Variants in ITSN1 observed in about 807,000 individuals in gnomAD.
ITSN1 encodes the protein intersectin 1.
ITSN1 carries 58 observed loss-of-function variants against 239.8 expected under a neutral mutation model. The ratio of observed to expected loss-of-function variants is 0.24; its 90% CI spans 0.20 to 0.30. The LOEUF (loss-of-function observed/expected upper bound fraction) is 0.30. ITSN1 is among the 10% of genes least tolerant of loss of function. The probability of loss-of-function intolerance (pLI) is 1.00; values close to 1 mark genes in which losing one functional copy is unlikely to be tolerated. For synonymous variants in ITSN1, 780 were observed against 770.8 expected (o/e 1.01, Z -0.20); for missense variants, 1,558 against 2,103.3 (o/e 0.74, Z 5.07).
At chr21:33,745,281 T>C (rs1346123151) in intron 5 of ITSN1, among the ~76,000 whole-genome samples, 1 of 152,106 alleles carries the variant, frequency 6.6e-6, no homozygotes, top group Non-Finnish European at 1.5e-5. Context: ...AAATCCAGAC[T>C]GGGAAACTCC....
At chr21:33,672,525 G>A (rs2090350034) in intron 1 of ITSN1, among the ~76,000 whole-genome samples, 1 of 152,176 alleles carries the variant, frequency 6.6e-6, no homozygotes, top group South Asian at 2.1e-4. Flanking sequence ...TACACTGTTG[G>A]TGGGAATGTA....
chr21:33,752,406 G>C (rs2067615606), intron 7 of ITSN1, among the ~76,000 whole-genome samples: 1 of 152,140 alleles, frequency 6.6e-6, no homozygotes, highest in African/African-American at 2.4e-5. Flanking sequence ...GAATTATCCA[G>C]ATAGTGGACA....
In ITSN1 at chr21:33,797,753, T is replaced by G; in HGVS notation, c.2182+145T>G. ...CTCTTATTTTGAGCATGGCCAGCTC[T>G]TCTTTCCCCAGGGTCATTTGAGATC... On this transcript the variant is annotated intron_variant, in intron 18 of 39. Coordinates refer to ENST00000381318, the MANE Select transcript of ITSN1 (RefSeq NM_003024.3). This position sits in a 1 kb window ranked among gnomAD's most constrained non-coding sequence, Gnocchi z 4.9. 1 of 665,414 alleles carries G rather than the reference T, an allele frequency of 1.5e-6. No homozygotes were observed. Among genetic ancestry groups the G allele is most frequent in the South Asian group, 2.0e-5 (1 of 49,952 alleles). 41.2% of individuals were successfully genotyped at this position (665,414 alleles called of 1,614,324 possible).
At chr21:33,728,457 T>A (rs1350201760) in intron 4 of ITSN1, among the ~76,000 whole-genome samples, 3 of 149,792 alleles carry the variant, frequency 2.0e-5, no homozygotes, top group Non-Finnish European at 4.4e-5. Flanking sequence ...CTGGATCTCC[T>A]GACATTGTGA....
At chr21:33,881,945 C>CAAAAAA (rs370697945) in intron 34 of ITSN1, among the ~76,000 whole-genome samples, 8 of 88,278 alleles carry the variant, frequency 9.1e-5, no homozygotes, top group Admixed American at 1.2e-4. Flanking sequence ...GACCCTGTCT[C>CAAAAAA]AAAAAAAAAA....
At position 33,882,451 on chromosome 21, in the gene ITSN1, A is replaced by G; in HGVS notation, c.4550A>G (p.Lys1517Arg). The change falls in exon 35 of 40, where the codon AAA (lysine) becomes AGA (arginine). Residue 1517 changes from lysine (K) to arginine (R), a missense_variant. Lys to Arg is a conservative substitution (Grantham distance 26). This residue lies in a region of ITSN1 where 576 missense variants were observed against 893.3 expected (regional missense o/e 0.64). Coordinates refer to ENST00000381318, the MANE Select transcript of ITSN1 (RefSeq NM_003024.3). The surrounding 1 kb of genome is among the most constrained non-coding windows in gnomAD (Gnocchi z 4.5). ...PKSNLQYKMY[K>R]TPIFLNEVLV... ...TCAAACCTGCAGTATAAAATGTATA[A>G]AACAGTAAGTTGGATTCTAGATTTT... The G allele has an allele frequency of 6.2e-7, 1 of 1,612,698 alleles. No individual in the cohort carries two copies. Among genetic ancestry groups the G allele is most frequent in the Non-Finnish European group, 8.5e-7 (1 of 1,179,366 alleles).
At chr21:33,742,406 C>T (rs1268129980) in intron 5 of ITSN1, among the ~76,000 whole-genome samples, 1 of 152,124 alleles carries the variant, frequency 6.6e-6, no homozygotes, top group Admixed American at 6.5e-5. Context: ...AAAAGAAATA[C>T]AAACAAAACA....
At chr21:33,822,742 A>G (rs2073758950) in intron 24 of ITSN1, among the ~76,000 whole-genome samples, 1 of 152,224 alleles carries the variant, frequency 6.6e-6, no homozygotes, top group African/African-American at 2.4e-5. Flanking sequence ...AATGTGATAA[A>G]CTGTGATTTG....
chr21:33,855,807 G>A (rs1465509057), intron 29 of ITSN1, among the ~76,000 whole-genome samples: 1 of 152,242 alleles, frequency 6.6e-6, no homozygotes, highest in Non-Finnish European at 1.5e-5. Flanking sequence ...TCTGTGGCAA[G>A]CATGCTGCTC....
At chr21:33,864,449 C>T (rs1981211151) in intron 31 of ITSN1, among the ~76,000 whole-genome samples, 1 of 152,182 alleles carries the variant, frequency 6.6e-6, no homozygotes, top group Non-Finnish European at 1.5e-5. Flanking sequence ...TACCATAGCT[C>T]TGAGCACTCA....
At chr21:33,834,193 T>C in intron 27 of ITSN1, 114 bp from the exon 28 acceptor site, 3 of 720,876 alleles carry the variant, frequency 4.2e-6, no homozygotes, top group Non-Finnish European at 7.2e-6. Flanking sequence ...TTACCGTTAA[T>C]GTCATTTGTT....
intron 1 of ITSN1, among the ~76,000 whole-genome samples, chr21:33,690,813 A>G (rs866120977): frequency 4.3e-4 from 8 of 18,574 alleles, no homozygotes; most frequent in African/African-American, 2.0e-3. Flanking sequence ...ATATATATAT[A>G]TGTATATATA....
chr21:33,804,224 CAG>C (rs1468963583), intron 20 of ITSN1, among the ~76,000 whole-genome samples: 5 of 152,110 alleles, frequency 3.3e-5, no homozygotes, highest in Admixed American at 3.3e-4. Context: ...AACATTGTGA[CAG>C]TGTTTTTTAA....
intron 29 of ITSN1, among the ~76,000 whole-genome samples, chr21:33,846,878 C>T (rs2075005550): frequency 6.6e-6 from 1 of 152,196 alleles, no homozygotes; most frequent in African/African-American, 2.4e-5. Context: ...GACCCCAAAA[C>T]AGGAAGTGAG....
chr21:33,794,151 A>G (rs1291537819), intron 16 of ITSN1, among the ~76,000 whole-genome samples, 190 bp from the exon 17 acceptor site: 2 of 152,198 alleles, frequency 1.3e-5, no homozygotes, highest in Non-Finnish European at 2.9e-5. Flanking sequence ...ATGTAATCTT[A>G]AGTGGCCTTT....
intron 5 of ITSN1, among the ~76,000 whole-genome samples, chr21:33,746,351 T>C (rs971584424): frequency 1.3e-5 from 2 of 152,106 alleles, no homozygotes; most frequent in African/African-American, 2.4e-5. Flanking sequence ...AGGCAGTCAG[T>C]AGGAACTATC....
intron 11 of ITSN1, 124 bp from the exon 12 acceptor site, chr21:33,771,937 G>C: frequency 9.5e-7 from 1 of 1,050,226 alleles, no homozygotes; most frequent in South Asian, 1.7e-5. Flanking sequence ...CAAGGACACA[G>C]AAGCTTAGGG....
intron 29 of ITSN1, among the ~76,000 whole-genome samples, chr21:33,844,841 T>C (rs2074940975): frequency 6.6e-6 from 1 of 152,138 alleles, no homozygotes; most frequent in Non-Finnish European, 1.5e-5. Context: ...AGCCCTCCAC[T>C]GACTTGGTAT....
chr21:33,891,318 G>C lies in ITSN1; in HGVS notation c.*3018G>C, dbSNP rs1432624328. On this transcript the variant is annotated 3_prime_UTR_variant, in exon 40 of 40. Transcript: ENST00000381318. Reference sequence around the variant, plus strand: ...CCCTGTCCTCTGATAGCAGAGGAAAGAGCTCTGCTCCCAAAGAACATTCAT... The same window carrying C: ...CCCTGTCCTCTGATAGCAGAGGAAACAGCTCTGCTCCCAAAGAACATTCAT... 3.9e-5 allele frequency: 6 copies of C among 152,246 alleles called. No homozygotes were observed. Among genetic ancestry groups the C allele is most frequent in the Non-Finnish European group, 5.9e-5 (4 of 68,046 alleles). 9.4% of individuals were successfully genotyped at this position (152,246 alleles called of 1,614,324 possible). A position where few individuals can be genotyped will look rare whatever the true frequency, so the allele number is the denominator to read the frequency against.
Sources: allele counts gnomAD v4.1 joint callset (sites outside exome capture counted in the v4.1 genomes callset), GRCh38; gene constraint gnomAD v4.1.1; regional missense constraint gnomAD v4.1.1; non-coding constraint Gnocchi (gnomAD v3.1); transcripts MANE v1.5; gene names NCBI Gene and HGNC (gene_info 2026-07-23, HGNC 2026-07-21).